The following ACAA2 variants were observed in gnomAD, a reference collection of about 807,000 sequenced individuals.
The protein encoded by ACAA2 is 3-ketoacyl-CoA thiolase, mitochondrial.
In ACAA2, 35 loss-of-function variants were observed where a neutral mutation model predicts 44.8. The observed-to-expected ratio is 0.78, with a 90% confidence interval of 0.60 to 1.04. ACAA2 has a LOEUF of 1.04. Ranked by LOEUF, ACAA2 falls within the 50% of genes least tolerant of loss-of-function variation. The pLI, the probability that ACAA2 is intolerant of heterozygous loss-of-function variation, is 0.00. For missense variants in ACAA2, 468 were observed against 482.6 expected, an observed-to-expected ratio of 0.97 and a Z score of 0.28; for synonymous variants, 142 against 166.5, an observed-to-expected ratio of 0.85 and a Z score of 1.13.
At chr18:49,812,778 C>G (rs1020817511) in intron 1 of ACAA2, 1 of 152,236 alleles carries the variant, frequency 6.6e-6, no homozygotes, top group Non-Finnish European at 1.5e-5. Context: ...GTTCTTAGAT[C>G]CTGCCAAGCT....
In ACAA2 at chr18:49,783,709, A is replaced by C. The variant is rs960583649; in HGVS notation, c.*138T>G. On this transcript the variant is annotated 3_prime_UTR_variant, in exon 10 of 10. Coordinates refer to ENST00000285093, the MANE Select transcript of ACAA2 (RefSeq NM_006111.3). ...TTCATGATCAATGCATTTTTGTGTC[A>C]CCATGGCTTGATCAAACTTAATCAC... 1.5e-6 allele frequency: 1 copy of C among 662,544 alleles called. No homozygotes were observed. The highest frequency in any genetic ancestry group is 2.7e-6 in the Non-Finnish European group (1 of 370,958). 41.0% of individuals were successfully genotyped at this position (662,544 alleles called of 1,614,324 possible). A position where few individuals can be genotyped will look rare whatever the true frequency, so the allele number is the denominator to read the frequency against.
chr18:49,792,623 T>G (rs1257125270), intron 5 of ACAA2, among the ~76,000 whole-genome samples: 1 of 152,060 alleles, frequency 6.6e-6, no homozygotes, highest in Admixed American at 6.6e-5. Context: ...TTTTTTTATA[T>G]TTTTAGTAGA....
intron 1 of ACAA2, among the ~76,000 whole-genome samples, chr18:49,804,343 T>C (rs1025457817): frequency 6.6e-6 from 1 of 152,218 alleles, no homozygotes; most frequent in African/African-American, 2.4e-5. Flanking sequence ...CTACCGGTTC[T>C]AGAGTCACAG....
chr18:49,800,470 G>A (rs956037122), intron 2 of ACAA2, among the ~76,000 whole-genome samples: 7 of 152,236 alleles, frequency 4.6e-5, no homozygotes, highest in Non-Finnish European at 1.0e-4. Flanking sequence ...GAAAGGTGGG[G>A]AAGGGATTGA....
At chr18:49,790,880 A>G (rs1001517126) in intron 7 of ACAA2, among the ~76,000 whole-genome samples, 1 of 152,238 alleles carries the variant, frequency 6.6e-6, no homozygotes, top group Non-Finnish European at 1.5e-5. Flanking sequence ...TCCTGAGACT[A>G]TGCGTTTAAC....
chr18:49,794,198 T>C, intron 5 of ACAA2, 82 bp downstream of exon 5: 1 of 958,628 alleles, frequency 1.0e-6, no homozygotes, highest in Non-Finnish European at 1.4e-6. Flanking sequence ...TTGTAAATAT[T>C]ATATAACCAT....
At chr18:49,807,323 C>G (rs1185671966) in intron 1 of ACAA2, among the ~76,000 whole-genome samples, 1 of 152,178 alleles carries the variant, frequency 6.6e-6, no homozygotes, top group East Asian at 1.9e-4. Context: ...GGGCTACAAT[C>G]AAGTCACTGC....
At chr18:49,803,908 CTTTTT>C (rs5824806) in intron 1 of ACAA2, among the ~76,000 whole-genome samples, 2 of 118,018 alleles carry the variant, frequency 1.7e-5, no homozygotes, top group African/African-American at 3.3e-5. Flanking sequence ...AATGATATTG[CTTTTT>C]TTTTTTTTTT....
chr18:49,792,351 C>T (rs2023413240), intron 5 of ACAA2, 24 bp from the exon 6 acceptor site: 28 of 1,572,712 alleles, frequency 1.8e-5, no homozygotes, highest in Non-Finnish European at 2.3e-5. Flanking sequence ...GAGAGACTAT[C>T]ATAAGAATAA....
chr18:49,803,950 G>A (rs1022187961), intron 1 of ACAA2, among the ~76,000 whole-genome samples: 5 of 139,936 alleles, frequency 3.6e-5, no homozygotes, highest in Admixed American at 2.3e-4. Context: ...TGCTCTTGTC[G>A]CCCAGGCTGG....
At chr18:49,796,790 C>G (rs922957720) in intron 3 of ACAA2, among the ~76,000 whole-genome samples, 1 of 152,006 alleles carries the variant, frequency 6.6e-6, no homozygotes, top group African/African-American at 2.4e-5. Context: ...GACTGAGTAA[C>G]CTTAATGGCT....
intron 8 of ACAA2, 24 bp downstream of exon 8, chr18:49,787,267 A>T: frequency 1.4e-6 from 2 of 1,421,920 alleles, no homozygotes. Flanking sequence ...TGTTAAAAAA[A>T]AAAAAAAAAA....
chr18:49,791,709 T>G (rs2298629), intron 6 of ACAA2, 110 bp from the exon 7 acceptor site: 73,860 of 1,099,664 alleles, frequency 0.067, 6,337 homozygotes, highest in East Asian at 0.35. Context: ...AGGAAGCCAG[T>G]GCACAGTGTG....
intron 1 of ACAA2, among the ~76,000 whole-genome samples, chr18:49,807,942 G>C (rs2023626918): frequency 6.6e-6 from 1 of 150,506 alleles, no homozygotes; most frequent in African/African-American, 2.4e-5. Flanking sequence ...ATAAGGGACT[G>C]GTATCCAAAA....
chr18:49,791,709 T>C, intron 6 of ACAA2, 110 bp from the exon 7 acceptor site: 1 of 1,100,398 alleles, frequency 9.1e-7, no homozygotes. Context: ...AGGAAGCCAG[T>C]GCACAGTGTG....
At chr18:49,791,690 G>A (rs1435470055) in intron 6 of ACAA2, 91 bp from the exon 7 acceptor site, 2 of 1,331,626 alleles carry the variant, frequency 1.5e-6, no homozygotes, top group Non-Finnish European at 2.1e-6. Context: ...TAGGAATATG[G>A]CAGTACATAG....
chr18:49,813,168 G>T, intron 1 of ACAA2: 1 of 327,116 alleles, frequency 3.1e-6, no homozygotes, highest in East Asian at 4.6e-5. Context: ...TCGAACTAGT[G>T]GGGTCACTGT....
At chr18:49,802,922 C>T in intron 1 of ACAA2, 69 bp from the exon 2 acceptor site, 1 of 1,530,482 alleles carries the variant, frequency 6.5e-7, no homozygotes, top group Non-Finnish European at 9.1e-7. Flanking sequence ...TTCGAATAAT[C>T]TCACTGTGAA....
chr18:49,806,572 C>G (rs1034282023), intron 1 of ACAA2, among the ~76,000 whole-genome samples: 1 of 152,200 alleles, frequency 6.6e-6, no homozygotes, highest in Non-Finnish European at 1.5e-5. Context: ...CCAGTCTCCA[C>G]AATGTTCCAT....
Sources: allele counts gnomAD v4.1 joint callset (sites outside exome capture counted in the v4.1 genomes callset), GRCh38; gene constraint gnomAD v4.1.1; transcripts MANE v1.5; gene names NCBI Gene and HGNC (gene_info 2026-07-23, HGNC 2026-07-21).